MOBP: variants seen among roughly 807,000 people sequenced by gnomAD.
MOBP encodes the protein myelin associated oligodendrocyte basic protein.
In MOBP, 5 loss-of-function variants were observed where a neutral mutation model predicts 15.0. The observed-to-expected ratio is 0.33, with a 90% CI of 0.17 to 0.70. The LOEUF (loss-of-function observed/expected upper bound fraction) is 0.70. MOBP is among the 30% of genes least tolerant of loss of function. The pLI, the probability that MOBP is intolerant of heterozygous loss-of-function variation, is 0.67. For missense variants in MOBP, 188 were observed against 257.8 expected (o/e 0.73, Z 1.85); for synonymous variants, 88 against 99.0 (o/e 0.89, Z 0.66).
rs1371582709 is a variant in MOBP, at chr3:39,468,771, T to C, written c.-89+1031T>C. On this transcript the variant is annotated intron_variant, in intron 1 of 3. Coordinates refer to ENST00000684792, the MANE Select transcript of MOBP (RefSeq NM_001393704.1). ...ATATACATATATACATGTGTGTGTA[T>C]ATATACATATATACATGTGTGTGTA... Among the ~76,000 whole-genome samples, 3 of 81,002 alleles carry C rather than the reference T, an allele frequency of 3.7e-5. 1 individual carries two copies. The highest frequency in any genetic ancestry group is 4.7e-5 in the Non-Finnish European group (2 of 42,872). The allele number at this position is 81,002 out of a possible 152,430, so 53.1% of individuals were successfully genotyped here.
chr3:39,507,536 T>C (rs905000864), downstream of MOBP, among the ~76,000 whole-genome samples: 6 of 152,198 alleles, frequency 3.9e-5, no homozygotes, highest in African/African-American at 1.2e-4. Context: ...GACCCATTAA[T>C]AGGCATTAAG....
intron 2 of MOBP, among the ~76,000 whole-genome samples, chr3:39,488,546 T>A (rs2042748979): frequency 6.6e-6 from 1 of 152,218 alleles, no homozygotes; most frequent in Admixed American, 6.5e-5. Flanking sequence ...GTCTATTAGG[T>A]GGCACCATCA....
chr3:39,481,394 T>C (rs1430033261), intron 2 of MOBP, among the ~76,000 whole-genome samples: 1 of 152,258 alleles, frequency 6.6e-6, no homozygotes, highest in Non-Finnish European at 1.5e-5. Flanking sequence ...TTCTCTCTTC[T>C]AACAAAGACC....
intron 1 of MOBP, among the ~76,000 whole-genome samples, chr3:39,468,785 CATGTGTGTGTATATATACAT>C (rs1330069775): frequency 5.9e-5 from 3 of 50,762 alleles, no homozygotes; most frequent in East Asian, 3.6e-4. Context: ...TACATATATA[CATGTGTGTGTATATATACAT>C]ATGTGTGTGT....
At chr3:39,474,398 C>T (rs1189777269) in intron 1 of MOBP, among the ~76,000 whole-genome samples, 1 of 152,166 alleles carries the variant, frequency 6.6e-6, no homozygotes, top group African/African-American at 2.4e-5. Context: ...AGATATTAGA[C>T]GATTTAGTCA....
chr3:39,488,867 A>G (rs2125640372), intron 2 of MOBP, among the ~76,000 whole-genome samples: 1 of 152,022 alleles, frequency 6.6e-6, no homozygotes, highest in Non-Finnish European at 1.5e-5. Flanking sequence ...TGGTTTTCCT[A>G]TTTCCTCTCC....
At chr3:39,524,594 A>G (rs963991186) in exon 5 of MOBP, 1 of 152,182 alleles carries the variant, frequency 6.6e-6, no homozygotes, top group African/African-American at 2.4e-5. Context: ...TACTGATGAG[A>G]ATTTATAAAT....
At chr3:39,522,231 C>T (rs1462123079) in intron 3 of MOBP, among the ~76,000 whole-genome samples, 1 of 152,182 alleles carries the variant, frequency 6.6e-6, no homozygotes, top group Non-Finnish European at 1.5e-5. Flanking sequence ...TAAAAACAAA[C>T]ACATTAAGCA....
intron 1 of MOBP, among the ~76,000 whole-genome samples, chr3:39,469,026 ATATATATACATATATACATATGTGTGTG>A (rs2042409152): frequency 2.5e-5 from 1 of 40,638 alleles, no homozygotes; most frequent in African/African-American, 2.8e-4. Flanking sequence ...ATATGTGTGT[ATATATATACATATATACATATGTGTGTG>A]TATATACATA....
chr3:39,500,692 T>C (rs548863104), intron 2 of MOBP, among the ~76,000 whole-genome samples: 1 of 152,206 alleles, frequency 6.6e-6, no homozygotes, highest in East Asian at 1.9e-4. Context: ...TTAATACCTT[T>C]TCAAGAACTT....
downstream of MOBP, among the ~76,000 whole-genome samples, chr3:39,516,731 A>G (rs926124266): frequency 2.6e-5 from 4 of 152,236 alleles, no homozygotes; most frequent in African/African-American, 9.6e-5. Flanking sequence ...ACAACTTCAT[A>G]TTTAGATCTA....
chr3:39,514,105 G>A (rs2043161320), exon 5 of MOBP: 1 of 152,236 alleles, frequency 6.6e-6, no homozygotes, highest in African/African-American at 2.4e-5. Flanking sequence ...GAAGCAGAGA[G>A]AAAAGGCCTG....
intron 2 of MOBP, among the ~76,000 whole-genome samples, chr3:39,500,300 C>T (rs2042950927): frequency 6.6e-6 from 1 of 152,208 alleles, no homozygotes; most frequent in African/African-American, 2.4e-5. Flanking sequence ...CAGGCAAAAC[C>T]AAAGTGTATA....
chr3:39,491,053 C>T (rs1436265258), intron 2 of MOBP, among the ~76,000 whole-genome samples: 1 of 152,162 alleles, frequency 6.6e-6, no homozygotes, highest in Non-Finnish European at 1.5e-5. Context: ...CTATGGAGTA[C>T]ATTCTTAGGT....
chr3:39,474,841 G>C lies in MOBP; in HGVS notation c.-88-5199G>C, dbSNP rs188437852. ...GATCCAGTTTTTACTTCTTGGAGGG[G>C]ATATTACCCACGTTGCAAATACATG... On this transcript the variant is annotated intron_variant, in intron 1 of 3. Transcript: ENST00000684792. Among the ~76,000 whole-genome samples, 162 of 152,240 alleles carry C rather than the reference G, an allele frequency of 1.1e-3. 1 individual carries two copies. The highest frequency in any genetic ancestry group is 3.0e-3 in the African/African-American group (126 of 41,562).
intron 2 of MOBP, chr3:39,499,891 T>C (rs1448938491): frequency 2.5e-6 from 1 of 400,332 alleles, no homozygotes; most frequent in Non-Finnish European, 5.0e-6. Context: ...CAAGCCCTCA[T>C]CTTTGGCCAG....
intron 1 of MOBP, among the ~76,000 whole-genome samples, chr3:39,474,519 A>T (rs1054492291): frequency 1.3e-5 from 2 of 152,198 alleles, no homozygotes; most frequent in Non-Finnish European, 2.9e-5. Context: ...AAAATACAAC[A>T]TTATAATTTC....
exon 5 of MOBP, chr3:39,513,515 A>G (rs981129376): frequency 1.3e-5 from 17 of 1,309,250 alleles, no homozygotes; most frequent in South Asian, 3.8e-5. Flanking sequence ...TCTGGCTTCA[A>G]ATATTATGCA....
chr3:39,500,038 G>A, intron 2 of MOBP: 1 of 456,088 alleles, frequency 2.2e-6, no homozygotes, highest in Non-Finnish European at 4.4e-6. Context: ...GACACTCACT[G>A]ATGTCTGTGG....
Sources: gnomAD v4.1 joint callset for allele counts (sites outside exome capture counted in the v4.1 genomes callset) on GRCh38, gnomAD v4.1.1 for gene constraint, MANE v1.5 for transcripts, NCBI Gene and HGNC (gene_info 2026-07-23, HGNC 2026-07-21) for gene names.